Variants in COG2 observed in about 807,000 individuals in gnomAD.
COG2 encodes the protein conserved oligomeric Golgi complex subunit 2.
COG2 carries 52 observed loss-of-function variants against 90.6 expected under a neutral mutation model. The ratio of observed to expected loss-of-function variants is 0.57; its 90% confidence interval spans 0.46 to 0.72. The LOEUF (loss-of-function observed/expected upper bound fraction) is 0.72. Ranked by LOEUF, COG2 falls within the 30% of genes least tolerant of loss-of-function variation. The pLI, the probability that COG2 is intolerant of heterozygous loss-of-function variation, is 0.00. For synonymous variants in COG2, 337 were observed against 320.4 expected (o/e 1.05, Z -0.55); for missense variants, 829 against 891.2 (o/e 0.93, Z 0.89).
rs549166960 is a variant in COG2 at position 230,675,970 on chromosome 1, G to A, written c.1026+846G>A. On this transcript the variant is annotated intron_variant, in intron 9 of 17. Coordinates refer to ENST00000366669, the MANE Select transcript of COG2 (RefSeq NM_007357.3). ...GCCCTATTCCACCCCTGCTTCCCCC[G>A]CCCTCTTAAAAAAGAAATCATTATT... 4.4e-5 allele frequency among the ~76,000 whole-genome samples: 6 copies of A among 136,450 alleles called. No homozygotes were observed. In the South Asian group the frequency reaches 7.2e-4, roughly 16 times the overall value. The allele number at this position is 136,450 out of a possible 152,430, so 89.5% of individuals were successfully genotyped here. A position where few individuals can be genotyped will look rare whatever the true frequency, so the allele number is the denominator to read the frequency against.
rs757782008 is a variant in COG2 at position 230,642,569 on chromosome 1, C to T, written c.-38C>T. ...GTCTGCGCAGCCTCCTGCGTTTTCT[C>T]GCTTGGATCTTGGCACTGAGAGGCG... On this transcript the variant is annotated 5_prime_UTR_variant, in exon 1 of 18. Coordinates refer to ENST00000366669, the MANE Select transcript of COG2 (RefSeq NM_007357.3). 5 of 1,596,198 alleles carry T rather than the reference C, an allele frequency of 3.1e-6. No individual in the cohort carries two copies. The East Asian group carries it at 9.0e-5, about 29-fold the overall frequency.
Position 230,688,141 on chromosome 1 carries a change from C to T in COG2, c.1649C>T (p.Ser550Leu). 1 of 1,581,372 alleles carries T rather than the reference C, an allele frequency of 6.3e-7. No homozygotes were observed. The highest frequency in any genetic ancestry group is 8.6e-7 in the Non-Finnish European group (1 of 1,161,540). The change falls in exon 14 of 18, where the codon TCA becomes TTA. Residue 550 changes from serine (S) to leucine (L), a missense_variant and splice_region_variant. Physicochemically the swap from Ser to Leu is moderately radical, Grantham distance 145. Transcript: ENST00000366669. ...GGCTTTAAGAATTTTTCTTCTATCT[C>T]AGGTAAAAATGAATCTTGACTAAGC... is the stretch of plus-strand genomic sequence containing the variant. ...MIGFKNFSSI[S>L]AALEDSQSSF...
intron 17 of COG2, among the ~76,000 whole-genome samples, chr1:230,692,176 G>A (rs570547455): frequency 6.6e-6 from 1 of 152,106 alleles, no homozygotes; most frequent in Non-Finnish European, 1.5e-5. Context: ...TGTGAGGACA[G>A]TATCATAAAA....
chr1:230,670,578 A>C (rs553821152), intron 7 of COG2: 1 of 152,264 alleles, frequency 6.6e-6, no homozygotes, highest in East Asian at 1.9e-4. Flanking sequence ...ATGGGGGTGA[A>C]AAAATTACAT....
intron 1 of COG2, among the ~76,000 whole-genome samples, chr1:230,658,408 G>C (rs12724008): frequency 0.054 from 8,147 of 152,240 alleles, 248 homozygotes; most frequent in Middle Eastern, 0.088. Context: ...ATTGCTGCCT[G>C]TTCTTTCCTC....
At chr1:230,668,543 TGG>T (rs1434570677) in intron 5 of COG2, 131 bp from the exon 6 acceptor site, 4 of 577,160 alleles carry the variant, frequency 6.9e-6, no homozygotes, top group Non-Finnish European at 1.2e-5. Context: ...TGTAACAAGG[TGG>T]CCACATAAAA....
At chr1:230,654,925 G>T (rs1335834513) in intron 1 of COG2, among the ~76,000 whole-genome samples, 1 of 152,142 alleles carries the variant, frequency 6.6e-6, no homozygotes, top group Non-Finnish European at 1.5e-5. Context: ...AGGAATGCTT[G>T]TGATTTTTGC....
At chr1:230,683,731 C>CTT in intron 11 of COG2, 96 bp downstream of exon 11, 9 of 605,584 alleles carry the variant, frequency 1.5e-5, no homozygotes, top group South Asian at 3.9e-5. Flanking sequence ...CGTACTTTTA[C>CTT]TGTTTTTTTT....
At chr1:230,650,991 T>C (rs1157151321) in intron 1 of COG2, among the ~76,000 whole-genome samples, 1 of 152,200 alleles carries the variant, frequency 6.6e-6, no homozygotes, top group Non-Finnish European at 1.5e-5. Context: ...AAGAATGGTT[T>C]GAAACACACA....
intron 6 of COG2, 154 bp from the exon 7 acceptor site, chr1:230,669,202 G>A: frequency 1.7e-6 from 1 of 601,510 alleles, no homozygotes; most frequent in Non-Finnish European, 2.8e-6. Flanking sequence ...TGATTGGAGT[G>A]AGGGGTTCAT....
In COG2 at chr1:230,688,347, G is replaced by A. The variant is rs150723427; in HGVS notation, c.1652-73G>A. 2.2e-3 allele frequency: 3,463 copies of A among 1,547,660 alleles called. 33 individuals are homozygous for A. Among genetic ancestry groups the A allele is most frequent in the African/African-American group, 0.015 (1,127 of 73,138 alleles). On this transcript the variant is annotated intron_variant, in intron 14 of 17. Transcript: ENST00000366669. Reference sequence around the variant, plus strand: ...TATTATAGTACACAATGTAAATGCTGTGACAGTATTTCAAATGAAGTTCAT... The same window carrying A: ...TATTATAGTACACAATGTAAATGCTATGACAGTATTTCAAATGAAGTTCAT...
At chr1:230,685,673 T>A (rs1662868012) in intron 12 of COG2, among the ~76,000 whole-genome samples, 1 of 152,262 alleles carries the variant, frequency 6.6e-6, no homozygotes, top group Non-Finnish European at 1.5e-5. Flanking sequence ...AATTCTTTTT[T>A]TGAATATCCT....
rs763091139 is a variant in COG2, at chr1:230,690,102, A to G, written c.1883A>G (p.Gln628Arg). 6 of 1,613,734 alleles carry G rather than the reference A, an allele frequency of 3.7e-6. No homozygotes were observed. The South Asian group carries it at 6.6e-5, about 18-fold the overall frequency. ...AGCGGACACAAGGATAAGCTCAAAC[A>G]AGCAATAATTCAGCAGTGGCTAGAA... ...LQSGHKDKLK[Q>R]AIIQQWLEGT... Residue 628 changes from glutamine to arginine, a missense_variant, in exon 16 of 18, where the codon CAA (glutamine) becomes CGA (arginine). Coordinates refer to ENST00000366669, the MANE Select transcript of COG2 (RefSeq NM_007357.3).
rs41271497 is a variant in COG2, at chr1:230,691,841, A to G, written c.2115+277A>G. 10,547 of 346,408 alleles carry G rather than the reference A, an allele frequency of 0.03. 228 individuals are homozygous for G. The highest frequency in any genetic ancestry group is 0.077 in the South Asian group (1,358 of 17,748). 21.5% of individuals were successfully genotyped at this position (346,408 alleles called of 1,614,324 possible). On this transcript the variant is annotated intron_variant, in intron 17 of 17. Transcript: ENST00000366669. ...AGTGCCCATGCTCACGGAGCTCACTACAGTGAGACTTTTTGGTCCAGTGCC... is the reference window on the plus strand; with the variant it reads ...AGTGCCCATGCTCACGGAGCTCACTGCAGTGAGACTTTTTGGTCCAGTGCC...
chr1:230,644,234 A>G (rs1189980507), intron 1 of COG2, among the ~76,000 whole-genome samples: 1 of 152,222 alleles, frequency 6.6e-6, no homozygotes, highest in Admixed American at 6.5e-5. Flanking sequence ...TATGCGGTAC[A>G]TTTTGTAGTG....
chr1:230,668,126 GA>G (rs1662362508), intron 5 of COG2, among the ~76,000 whole-genome samples: 1 of 149,480 alleles, frequency 6.7e-6, no homozygotes, highest in Non-Finnish European at 1.5e-5. Flanking sequence ...ATTCATTGAG[GA>G]GACAAATATA....
chr1:230,677,163 A>G (rs1662619147), intron 9 of COG2, among the ~76,000 whole-genome samples: 2 of 152,194 alleles, frequency 1.3e-5, no homozygotes, highest in East Asian at 1.9e-4. Context: ...TATTTGCTGC[A>G]TTCTCGATAA....
At chr1:230,645,611 G>A (rs1425042657) in intron 1 of COG2, among the ~76,000 whole-genome samples, 1 of 152,082 alleles carries the variant, frequency 6.6e-6, no homozygotes, top group African/African-American at 2.4e-5. Context: ...GGATGGTTTT[G>A]GGGTGATTCA....
intron 17 of COG2, among the ~76,000 whole-genome samples, chr1:230,692,970 A>G (rs1663073477): frequency 6.6e-6 from 1 of 152,012 alleles, no homozygotes; most frequent in South Asian, 2.1e-4. Context: ...TTCTCTACTT[A>G]AAAGTTCACT....
Sources: gnomAD v4.1 joint callset for allele counts (sites outside exome capture counted in the v4.1 genomes callset) on GRCh38, gnomAD v4.1.1 for gene constraint, MANE v1.5 for transcripts, NCBI Gene and HGNC (gene_info 2026-07-23, HGNC 2026-07-21) for gene names.